Variants in OPCML observed in about 807,000 individuals in gnomAD.
OPCML encodes opioid-binding protein/cell adhesion molecule.
In OPCML, 13 loss-of-function variants were observed where a neutral mutation model predicts 37.8. The ratio of observed to expected loss-of-function variants is 0.34; its 90% CI spans 0.22 to 0.55. The LOEUF is 0.55. Among genes scored for constraint, OPCML ranks in the 20% least tolerant of loss-of-function variants. The probability of loss-of-function intolerance (pLI) is 0.91; values close to 1 mark genes in which losing one functional copy is unlikely to be tolerated. For synonymous variants in OPCML, 176 were observed against 168.8 expected, an observed-to-expected ratio of 1.04 and a Z score of -0.33; for missense variants, 341 against 435.6, an observed-to-expected ratio of 0.78 and a Z score of 1.93.
chr11:132,705,275 C>A (rs1943986254), intron 2 of OPCML, among the ~76,000 whole-genome samples: 1 of 151,910 alleles, frequency 6.6e-6, no homozygotes, highest in Admixed American at 6.6e-5. Flanking sequence ...TGAGTGAGTT[C>A]TCGGGAGTTC....
chr11:133,114,457 G>A (rs1055647241), intron 1 of OPCML, among the ~76,000 whole-genome samples: 8 of 151,990 alleles, frequency 5.3e-5, no homozygotes, highest in Admixed American at 4.6e-4. Flanking sequence ...CACGTCTACT[G>A]CTACCATCTG....
At chr11:132,461,035 G>T (rs1211263947) in intron 4 of OPCML, among the ~76,000 whole-genome samples, 1 of 152,176 alleles carries the variant, frequency 6.6e-6, no homozygotes, top group Non-Finnish European at 1.5e-5. Flanking sequence ...GCTGAGTGAG[G>T]TTAATGATGT....
intron 1 of OPCML, among the ~76,000 whole-genome samples, chr11:133,272,143 A>G (rs771056458): frequency 1.3e-5 from 2 of 152,072 alleles, no homozygotes; most frequent in Non-Finnish European, 2.9e-5. Flanking sequence ...AGCCCCTTAC[A>G]AGAGGCTCAT....
intron 1 of OPCML, among the ~76,000 whole-genome samples, chr11:133,140,531 T>TAAGAAGAAGAAG (rs1168417109): frequency 0.017 from 1,467 of 88,054 alleles, 33 homozygotes; most frequent in Admixed American, 0.043. Context: ...ATAATAATAA[T>TAAGAAGAAGAAG]AAGAAGAAGA....
intron 1 of OPCML, among the ~76,000 whole-genome samples, chr11:132,959,774 AAG>A (rs1388365515): frequency 3.9e-5 from 6 of 152,182 alleles, no homozygotes; most frequent in Admixed American, 1.3e-4. Context: ...GGAAATTGGA[AAG>A]AGAGAATACT....
chr11:132,603,014 TA>T (rs1403270936), intron 3 of OPCML, among the ~76,000 whole-genome samples: 3 of 152,236 alleles, frequency 2.0e-5, no homozygotes, highest in Non-Finnish European at 4.4e-5. Context: ...CTCTCCTTCT[TA>T]GGCTTCTGCG....
At chr11:133,093,421 G>T (rs894718584) in intron 1 of OPCML, among the ~76,000 whole-genome samples, 1 of 151,964 alleles carries the variant, frequency 6.6e-6, no homozygotes, top group East Asian at 1.9e-4. Context: ...TTTAAGCCCC[G>T]CGTACATTAG....
chr11:132,887,780 C>G (rs1309099419), intron 2 of OPCML, among the ~76,000 whole-genome samples: 2 of 152,246 alleles, frequency 1.3e-5, no homozygotes, highest in Admixed American at 6.5e-5. Flanking sequence ...GGCAGATTCA[C>G]AGCTCCCTGT....
intron 1 of OPCML, among the ~76,000 whole-genome samples, chr11:133,344,257 G>A (rs935576896): frequency 3.3e-5 from 5 of 152,220 alleles, no homozygotes; most frequent in African/African-American, 1.2e-4. Context: ...CTGAGTCACT[G>A]TTGAATAAAT....
chr11:132,634,676 AG>A (rs1393951058), intron 3 of OPCML, among the ~76,000 whole-genome samples: 2 of 152,334 alleles, frequency 1.3e-5, no homozygotes, highest in Non-Finnish European at 2.9e-5. Context: ...ATGAGAAATC[AG>A]CACTTTCTTA....
chr11:132,549,725 G>A (rs1238982331), intron 3 of OPCML, among the ~76,000 whole-genome samples: 1 of 152,198 alleles, frequency 6.6e-6, no homozygotes, highest in Non-Finnish European at 1.5e-5. Flanking sequence ...AAGCAGACAA[G>A]ATGGCGCCAA....
intron 1 of OPCML, among the ~76,000 whole-genome samples, chr11:132,947,605 C>G (rs1174829715): frequency 1.3e-5 from 2 of 152,134 alleles, no homozygotes; most frequent in Non-Finnish European, 2.9e-5. Flanking sequence ...CTAGTCTGTG[C>G]ATTTATAGAA....
At chr11:133,464,296 G>A (rs544863599) in intron 1 of OPCML, among the ~76,000 whole-genome samples, 11 of 150,764 alleles carry the variant, frequency 7.3e-5, no homozygotes, top group African/African-American at 2.5e-4. Flanking sequence ...ACATCCACTC[G>A]CTTATTCATT....
chr11:132,547,965 C>T (rs1487456645), intron 3 of OPCML, among the ~76,000 whole-genome samples: 1 of 152,188 alleles, frequency 6.6e-6, no homozygotes, highest in African/African-American at 2.4e-5. Flanking sequence ...AGAGCTTAGA[C>T]CTGGTGCCTA....
At chr11:132,490,054 T>C (rs137867511) in intron 4 of OPCML, among the ~76,000 whole-genome samples, 1 of 152,096 alleles carries the variant, frequency 6.6e-6, no homozygotes, top group African/African-American at 2.4e-5. Context: ...TATTCCATGG[T>C]GTATATGTGC....
chr11:132,431,919 C>T (rs1218485800), intron 7 of OPCML, among the ~76,000 whole-genome samples: 4 of 152,062 alleles, frequency 2.6e-5, no homozygotes, highest in African/African-American at 9.7e-5. Flanking sequence ...TAAAAATTGT[C>T]CTTTACAAGA....
chr11:133,073,132 G>A (rs955034266), intron 1 of OPCML, among the ~76,000 whole-genome samples: 12 of 152,166 alleles, frequency 7.9e-5, no homozygotes, highest in African/African-American at 2.9e-4. Context: ...GACGGAGGGG[G>A]AAGAACACAC....
intron 2 of OPCML, among the ~76,000 whole-genome samples, chr11:132,768,891 A>G (rs1171407407): frequency 6.6e-6 from 1 of 152,150 alleles, no homozygotes; most frequent in Non-Finnish European, 1.5e-5. Context: ...GCGGGAGGAG[A>G]AAGTGGGACA....
chr11:132,931,417 T>C (rs1424190627), intron 2 of OPCML, among the ~76,000 whole-genome samples: 3 of 152,166 alleles, frequency 2.0e-5, no homozygotes, highest in South Asian at 4.1e-4. Flanking sequence ...TTGTGAGTCA[T>C]ATATCTGATA....
Sources: gnomAD v4.1 joint callset for allele counts (sites outside exome capture counted in the v4.1 genomes callset) on GRCh38, gnomAD v4.1.1 for gene constraint, MANE v1.5 for transcripts, NCBI Gene and HGNC (gene_info 2026-07-23, HGNC 2026-07-21) for gene names.